Variants in CAPZA2 observed in about 807,000 individuals in gnomAD.
The protein encoded by CAPZA2 is capping actin protein of muscle Z-line subunit alpha 2, also known as F-actin-capping protein subunit alpha-2.
Under a neutral mutation model 44.0 loss-of-function variants are expected in CAPZA2, and 13 were observed. The observed-to-expected ratio is 0.30, with a 90% confidence interval of 0.19 to 0.47. The LOEUF (loss-of-function observed/expected upper bound fraction) is 0.47, where lower values mean the gene tolerates loss of function less well. CAPZA2 is among the 20% of genes least tolerant of loss of function. The pLI is 1.00. For synonymous variants in CAPZA2, 94 were observed against 108.2 expected (o/e 0.87, Z 0.81); for missense variants, 244 against 338.6 (o/e 0.72, Z 2.19).
At chr7:116,917,591 G>T (rs956847124) in intron 9 of CAPZA2, 136 bp from the exon 10 acceptor site, 9 of 695,570 alleles carry the variant, frequency 1.3e-5, no homozygotes, top group Non-Finnish European at 5.0e-6. Context: ...TTAAAACAAT[G>T]TTGGGATTTT....
chr7:116,916,369 G>A (rs536200445), intron 9 of CAPZA2, among the ~76,000 whole-genome samples: 7 of 152,370 alleles, frequency 4.6e-5, no homozygotes, highest in Non-Finnish European at 7.3e-5. Context: ...GCTCACGCCT[G>A]TAATCCCAAC....
At chr7:116,882,624 T>G (rs1041204615) in intron 1 of CAPZA2, among the ~76,000 whole-genome samples, 9 of 152,218 alleles carry the variant, frequency 5.9e-5, no homozygotes, top group Non-Finnish European at 1.0e-4. Flanking sequence ...GGATATTTTT[T>G]GAACACCCCA....
chr7:116,882,373 T>G (rs1038542245), intron 1 of CAPZA2, among the ~76,000 whole-genome samples: 53 of 152,206 alleles, frequency 3.5e-4, no homozygotes, highest in African/African-American at 1.2e-3. Flanking sequence ...ATTTGTTAGT[T>G]TATTTCTTTA....
At chr7:116,897,825 C>T (rs373870053) in intron 3 of CAPZA2, among the ~76,000 whole-genome samples, 4 of 152,024 alleles carry the variant, frequency 2.6e-5, no homozygotes, top group Non-Finnish European at 4.4e-5. Context: ...TCACACTCTG[C>T]GGTTTTTAAC....
Position 116,890,526 on chromosome 7 carries a change from ATATATATATAT to A in CAPZA2, c.103+2337_103+2347del, listed in dbSNP as rs1796821815. Among the ~76,000 whole-genome samples the A allele has an allele frequency of 1.2e-3, 35 of 28,802 alleles. 3 individuals carry two copies. The highest frequency in any genetic ancestry group is 3.4e-3 in the East Asian group (3 of 888). 18.9% of individuals were successfully genotyped at this position (28,802 alleles called of 152,430 possible). On this transcript the variant is annotated intron_variant, in intron 2 of 9. Transcript: ENST00000361183. ...TCTCTACTTAAAAAAAAAAAAAAAA[ATATATATATAT>A]ATATATATATATATATATATATATA...
chr7:116,908,259 T>C (rs1474606048), intron 6 of CAPZA2, among the ~76,000 whole-genome samples: 2 of 151,654 alleles, frequency 1.3e-5, no homozygotes, highest in Admixed American at 1.3e-4. Context: ...AGACCCTATC[T>C]CTAGAAGAAA....
At chr7:116,899,114 C>T (rs1249143414) in intron 4 of CAPZA2, among the ~76,000 whole-genome samples, 1 of 151,766 alleles carries the variant, frequency 6.6e-6, no homozygotes, top group African/African-American at 2.4e-5. Flanking sequence ...AAAAATCAAT[C>T]CCATATTAAT....
chr7:116,864,331 A>G (rs981763603), intron 1 of CAPZA2, among the ~76,000 whole-genome samples: 2 of 152,162 alleles, frequency 1.3e-5, no homozygotes, highest in Non-Finnish European at 2.9e-5. Context: ...AAGTTTTTTA[A>G]AAATGAGATA....
chr7:116,906,548 G>T (rs1416992391), intron 6 of CAPZA2: 2 of 844,376 alleles, frequency 2.4e-6, no homozygotes, highest in African/African-American at 3.5e-5. Flanking sequence ...TTGACATTCA[G>T]TGGAAAGAGT....
chr7:116,902,511 A>G (rs921657723), intron 4 of CAPZA2, among the ~76,000 whole-genome samples: 3 of 152,194 alleles, frequency 2.0e-5, no homozygotes, highest in African/African-American at 7.2e-5. Flanking sequence ...CTACCATCAG[A>G]CTAAAAAAAG....
chr7:116,867,961 A>G (rs1211094952), intron 1 of CAPZA2, among the ~76,000 whole-genome samples: 1 of 152,212 alleles, frequency 6.6e-6, no homozygotes. Context: ...AGAATGTTGT[A>G]GTAAGTACCT....
At chr7:116,880,289 T>C (rs1246566013) in intron 1 of CAPZA2, 1 of 342,990 alleles carries the variant, frequency 2.9e-6, no homozygotes, top group African/African-American at 2.2e-5. Flanking sequence ...ACATTTTAAT[T>C]AATCAGAACT....
intron 8 of CAPZA2, among the ~76,000 whole-genome samples, chr7:116,914,547 G>A (rs901320185): frequency 1.2e-4 from 18 of 150,992 alleles, no homozygotes; most frequent in Non-Finnish European, 2.5e-4. Flanking sequence ...CTGCAGCCTC[G>A]ACATCCTGGG....
intron 6 of CAPZA2, among the ~76,000 whole-genome samples, chr7:116,909,077 C>T (rs1315637462): frequency 6.6e-6 from 1 of 152,042 alleles, no homozygotes; most frequent in Non-Finnish European, 1.5e-5. Context: ...CTCCAATAAT[C>T]GTTTCCTTTG....
chr7:116,901,542 G>C (rs1311516740), intron 4 of CAPZA2, among the ~76,000 whole-genome samples: 1 of 152,044 alleles, frequency 6.6e-6, no homozygotes. Context: ...GAGAGGATCA[G>C]GAAAAATAAC....
intron 4 of CAPZA2, 25 bp downstream of exon 4, chr7:116,898,860 T>C (rs1343049372): frequency 1.5e-6 from 2 of 1,356,102 alleles, no homozygotes; most frequent in African/African-American, 1.4e-5. Context: ...AACACTATTC[T>C]TTGTTTTGTT....
intron 2 of CAPZA2, 58 bp from the exon 3 acceptor site, chr7:116,892,936 T>A (rs1434136056): frequency 1.6e-6 from 2 of 1,260,484 alleles, no homozygotes; most frequent in African/African-American, 1.5e-5. Context: ...CAATCTGCGT[T>A]CATTACATTC....
intron 1 of CAPZA2, among the ~76,000 whole-genome samples, chr7:116,866,394 A>G (rs940540022): frequency 1.3e-5 from 2 of 151,924 alleles, no homozygotes; most frequent in Admixed American, 1.3e-4. Context: ...GATGGTCTCA[A>G]TCTCCTGACC....
At chr7:116,870,793 A>C (rs1300914228) in intron 1 of CAPZA2, among the ~76,000 whole-genome samples, 2 of 152,214 alleles carry the variant, frequency 1.3e-5, no homozygotes, top group Non-Finnish European at 2.9e-5. Flanking sequence ...TAGAGTTGGA[A>C]TCAAGAAGAC....
Sources: allele counts gnomAD v4.1 joint callset (sites outside exome capture counted in the v4.1 genomes callset), GRCh38; gene constraint gnomAD v4.1.1; transcripts MANE v1.5; gene names NCBI Gene and HGNC (gene_info 2026-07-23, HGNC 2026-07-21).